UBE2D2: variants seen among roughly 807,000 people sequenced by gnomAD.
The protein encoded by UBE2D2 is ubiquitin conjugating enzyme E2 D2.
In UBE2D2, 2 loss-of-function variants were observed where a neutral mutation model predicts 24.2. The observed-to-expected ratio is 0.08, with a 90% CI of 0.03 to 0.26. UBE2D2 has a LOEUF of 0.26. Among genes scored for constraint, UBE2D2 ranks in the 10% least tolerant of loss-of-function variants. The pLI, the probability that UBE2D2 is intolerant of heterozygous loss-of-function variation, is 1.00. For synonymous variants in UBE2D2, 58 were observed against 56.5 expected, an observed-to-expected ratio of 1.03 and a Z score of -0.12; for missense variants, 44 against 177.6, an observed-to-expected ratio of 0.25 and a Z score of 4.28.
intron 2 of UBE2D2, 125 bp from the exon 3 acceptor site, chr5:139,614,460 CT>C: frequency 9.1e-7 from 1 of 1,100,024 alleles, no homozygotes; most frequent in Middle Eastern, 3.0e-4. Flanking sequence ...TGTTCCTCAT[CT>C]TGCTCATACT....
At chr5:139,552,093 C>T (rs1202255000) in intron 1 of UBE2D2, among the ~76,000 whole-genome samples, 1 of 152,088 alleles carries the variant, frequency 6.6e-6, no homozygotes, top group East Asian at 1.9e-4. Flanking sequence ...AAATGAGTTA[C>T]TACAAACTGA....
intron 5 of UBE2D2, 130 bp downstream of exon 5, chr5:139,615,096 C>A: frequency 1.1e-6 from 1 of 933,028 alleles, no homozygotes; most frequent in Non-Finnish European, 1.6e-6. Context: ...CTGAAATGGA[C>A]CTTGAGAACT....
At chr5:139,548,843 GTTCTTTTTTTT>G (rs1481778815) in intron 1 of UBE2D2, among the ~76,000 whole-genome samples, 2 of 150,596 alleles carry the variant, frequency 1.3e-5, no homozygotes, top group Non-Finnish European at 2.9e-5. Context: ...CAAAGCCCTG[GTTCTTTTTTTT>G]TTCTTTTTTT....
At chr5:139,526,593 G>A (rs1291944679) in exon 1 of UBE2D2, 1 of 152,328 alleles carries the variant, frequency 6.6e-6, no homozygotes, top group Non-Finnish European at 1.5e-5. Flanking sequence ...GCACTTGGGA[G>A]TCCGGACATC....
intron 2 of UBE2D2, among the ~76,000 whole-genome samples, chr5:139,609,747 TTTTCTTTC>T (rs899854266): frequency 2.7e-5 from 4 of 150,718 alleles, no homozygotes; most frequent in African/African-American, 4.9e-5. Flanking sequence ...TTTTAAGTTG[TTTTCTTTC>T]TTTCTTTCTT....
chr5:139,576,959 T>C (rs910093355), intron 1 of UBE2D2, among the ~76,000 whole-genome samples: 4 of 148,420 alleles, frequency 2.7e-5, no homozygotes, highest in Non-Finnish European at 5.9e-5. Context: ...TTTTTTTTTT[T>C]AACTTGAATT....
At chr5:139,594,342 GAT>G (rs529414420) in intron 1 of UBE2D2, among the ~76,000 whole-genome samples, 1 of 151,816 alleles carries the variant, frequency 6.6e-6, no homozygotes, top group African/African-American at 2.4e-5. Flanking sequence ...ATAGTGTTGT[GAT>G]ATATATATAT....
At chr5:139,593,443 C>G (rs1447616239) in intron 1 of UBE2D2, among the ~76,000 whole-genome samples, 1 of 151,848 alleles carries the variant, frequency 6.6e-6, no homozygotes, top group Admixed American at 6.6e-5. Flanking sequence ...TCTAAATGAT[C>G]TCTTATGACC....
chr5:139,594,015 T>A (rs910354672), intron 1 of UBE2D2, among the ~76,000 whole-genome samples: 1 of 152,234 alleles, frequency 6.6e-6, no homozygotes, highest in African/African-American at 2.4e-5. Context: ...ATATTCAGAC[T>A]ACTAAAACTT....
intron 1 of UBE2D2, among the ~76,000 whole-genome samples, chr5:139,597,259 T>C (rs1753981433): frequency 6.6e-6 from 1 of 152,216 alleles, no homozygotes; most frequent in South Asian, 2.1e-4. Context: ...ACCATGGATC[T>C]GCTTTCTGTC....
At position 139,541,600 on chromosome 5, in the gene UBE2D2, A is replaced by C. The variant is rs1324618737; in HGVS notation, c.-64+14988A>C. ...GGGCCACAGAGCTAGACTCCATTTC[A>C]AAAAAAAAAAAAAAAAAAAAAGGTA... On this transcript the variant is annotated intron_variant, in intron 1 of 6. Transcript: ENST00000511725. 3.4e-3 allele frequency among the ~76,000 whole-genome samples: 358 copies of C among 106,298 alleles called. 1 individual carries two copies. The highest frequency in any genetic ancestry group is 7.5e-3 in the Admixed American group (82 of 10,928). The allele number at this position is 106,298 out of a possible 152,430, so 69.7% of individuals were successfully genotyped here.
At chr5:139,593,569 T>G (rs901240595) in intron 1 of UBE2D2, among the ~76,000 whole-genome samples, 3 of 152,122 alleles carry the variant, frequency 2.0e-5, no homozygotes, top group African/African-American at 7.2e-5. Context: ...TAGGTATTGA[T>G]GTATGTAATA....
chr5:139,601,371 A>G lies in UBE2D2; in HGVS notation c.88+936A>G, dbSNP rs1394373954. Among the ~76,000 whole-genome samples, 5 of 152,176 alleles carry G rather than the reference A, an allele frequency of 3.3e-5. No individual in the cohort carries two copies. In the South Asian group the frequency reaches 1.0e-3, roughly 31 times the overall value. On this transcript the variant is annotated intron_variant, in intron 2 of 6. Coordinates refer to ENST00000398733, the MANE Select transcript of UBE2D2 (RefSeq NM_003339.3). ...CTAATCCCAGCACTTTAGGAGACCG[A>G]GGCAGGTGAATCAATTGAGCCCAGG...
At chr5:139,545,157 T>A (rs1419199353) in intron 1 of UBE2D2, among the ~76,000 whole-genome samples, 1 of 152,174 alleles carries the variant, frequency 6.6e-6, no homozygotes, top group Non-Finnish European at 1.5e-5. Flanking sequence ...TCACGCTTTT[T>A]ATGGTGGAAT....
chr5:139,588,728 G>T (rs957263243), intron 1 of UBE2D2, among the ~76,000 whole-genome samples: 3 of 152,130 alleles, frequency 2.0e-5, no homozygotes, highest in African/African-American at 7.2e-5. Flanking sequence ...TGTCAACATT[G>T]TCACACAGAT....
At chr5:139,569,838 A>G (rs1753313948) in intron 1 of UBE2D2, among the ~76,000 whole-genome samples, 1 of 152,236 alleles carries the variant, frequency 6.6e-6, no homozygotes, top group African/African-American at 2.4e-5. Context: ...TTAGGTATAT[A>G]AATCCAGAGG....
chr5:139,532,172 A>AC (rs1208445997), intron 1 of UBE2D2, among the ~76,000 whole-genome samples: 54 of 144,732 alleles, frequency 3.7e-4, no homozygotes, highest in African/African-American at 1.4e-3. Flanking sequence ...AATTTATTCT[A>AC]CTTTTTTTTT....
rs79425693 is a variant in UBE2D2 at position 139,533,590 on chromosome 5, C to T, written c.-64+6978C>T. ...GCTTGAACCAGGGAGGAGGAGGTTG[C>T]GGTGAGCCCAAGATCGCGCCATTGC... On this transcript the variant is annotated intron_variant, in intron 1 of 6. Transcript: ENST00000511725. Among the ~76,000 whole-genome samples the T allele has an allele frequency of 6.0e-5, 9 of 150,752 alleles. No homozygotes were observed. The East Asian group carries it at 8.1e-4, about 14-fold the overall frequency.
upstream of UBE2D2, among the ~76,000 whole-genome samples, chr5:139,558,612 G>A (rs114026128): frequency 2.7e-4 from 41 of 152,088 alleles, no homozygotes; most frequent in African/African-American, 9.9e-4. Context: ...TTTCAAGGTA[G>A]ATTACCAAAC....
Sources: gnomAD v4.1 joint callset for allele counts (sites outside exome capture counted in the v4.1 genomes callset) on GRCh38, gnomAD v4.1.1 for gene constraint, MANE v1.5 for transcripts, NCBI Gene and HGNC (gene_info 2026-07-23, HGNC 2026-07-21) for gene names.